The following CTNND2 variants were observed in gnomAD, a reference collection of about 807,000 sequenced individuals.
CTNND2 encodes catenin delta-2.
In CTNND2, 22 loss-of-function variants were observed where a neutral mutation model predicts 144.4. That is an observed-to-expected ratio of 0.15 (90% confidence interval 0.11 to 0.22). The LOEUF (loss-of-function observed/expected upper bound fraction) is 0.22, where lower values mean the gene tolerates loss of function less well. CTNND2 is among the 10% of genes least tolerant of loss of function. CTNND2 has a pLI of 1.00. For synonymous variants in CTNND2, 751 were observed against 695.6 expected (o/e 1.08, Z -1.25); for missense variants, 1,353 against 1,618.8 (o/e 0.84, Z 2.82).
At position 11,392,460 on chromosome 5, in the gene CTNND2, C is replaced by T. The variant is rs556529347; in HGVS notation, c.612+4571G>A. On this transcript the variant is annotated intron_variant, in intron 6 of 21. Transcript: ENST00000304623. ...CATGAGCACCCGCAAAAATATACTA[C>T]ACAGAACTTTATTTCAGCAAGAGGC... 3.3e-5 allele frequency among the ~76,000 whole-genome samples: 5 copies of T among 152,282 alleles called. No homozygotes were observed. The East Asian group carries it at 9.6e-4, about 29-fold the overall frequency.
intron 1 of CTNND2, among the ~76,000 whole-genome samples, chr5:11,742,571 T>C (rs1484621080): frequency 6.6e-6 from 1 of 152,176 alleles, no homozygotes; most frequent in African/African-American, 2.4e-5. Context: ...AGAATTACTT[T>C]TGGCTTTACT....
chr5:11,257,520 GAA>G (rs1744388285), intron 9 of CTNND2, among the ~76,000 whole-genome samples: 1 of 152,198 alleles, frequency 6.6e-6, no homozygotes, highest in Admixed American at 6.5e-5. Context: ...GCAGGAGAGA[GAA>G]TAAGTGCCAG....
At chr5:11,582,145 C>T (rs1187553259) in intron 2 of CTNND2, among the ~76,000 whole-genome samples, 1 of 152,168 alleles carries the variant, frequency 6.6e-6, no homozygotes, top group African/African-American at 2.4e-5. Context: ...TATACCCTAA[C>T]TTGGCACTGG....
At chr5:11,176,483 T>G (rs1366629616) in intron 11 of CTNND2, among the ~76,000 whole-genome samples, 1 of 152,198 alleles carries the variant, frequency 6.6e-6, no homozygotes, top group African/African-American at 2.4e-5. Context: ...AGTCTAAGGA[T>G]GCAAAGCTCT....
intron 11 of CTNND2, among the ~76,000 whole-genome samples, chr5:11,178,648 G>T (rs932179965): frequency 3.9e-5 from 6 of 152,140 alleles, no homozygotes; most frequent in African/African-American, 1.4e-4. Flanking sequence ...AATTTGAGAT[G>T]TAAGACATCA....
chr5:11,729,946 A>G (rs1321066169), intron 2 of CTNND2, among the ~76,000 whole-genome samples: 2 of 146,974 alleles, frequency 1.4e-5, no homozygotes, highest in African/African-American at 2.6e-5. Flanking sequence ...ATTAGAGTGG[A>G]CATTTCTAAA....
At chr5:11,649,995 T>C (rs1239511702) in intron 2 of CTNND2, among the ~76,000 whole-genome samples, 1 of 152,150 alleles carries the variant, frequency 6.6e-6, no homozygotes, top group African/African-American at 2.4e-5. Flanking sequence ...ACAAAACTAG[T>C]ATTTTTGTTA....
At chr5:11,251,642 A>G (rs1743668957) in intron 9 of CTNND2, among the ~76,000 whole-genome samples, 1 of 152,234 alleles carries the variant, frequency 6.6e-6, no homozygotes, top group Non-Finnish European at 1.5e-5. Context: ...GAGCAAACGA[A>G]TCGTCCTCAC....
intron 8 of CTNND2, among the ~76,000 whole-genome samples, chr5:11,350,465 G>T (rs1561261289): frequency 6.6e-6 from 1 of 152,046 alleles, no homozygotes; most frequent in Admixed American, 6.5e-5. Context: ...TGAAATCTAA[G>T]ATGAGAAACA....
Position 11,548,747 on chromosome 5 carries a change from G to A in CTNND2, c.287+16197C>T, listed in dbSNP as rs1367348077. Among the ~76,000 whole-genome samples, 8 of 151,964 alleles carry A rather than the reference G, an allele frequency of 5.3e-5. No individual in the cohort carries two copies. The South Asian group carries it at 6.2e-4, about 12-fold the overall frequency. On this transcript the variant is annotated intron_variant, in intron 3 of 21. Transcript: ENST00000304623. ...CAATCCTTTAACAGAAAAACCACTC[G>A]TTTCTTTACATTTTGTTTCTTAAAA...
chr5:11,298,105 G>T (rs577778523), intron 9 of CTNND2, among the ~76,000 whole-genome samples: 1 of 152,172 alleles, frequency 6.6e-6, no homozygotes, highest in South Asian at 2.1e-4. Flanking sequence ...AAAACTTTAC[G>T]CCCTATGAAA....
At chr5:11,308,508 T>C (rs938106835) in intron 9 of CTNND2, among the ~76,000 whole-genome samples, 7 of 152,228 alleles carry the variant, frequency 4.6e-5, no homozygotes, top group Non-Finnish European at 1.5e-5. Flanking sequence ...CAGCAGTCTG[T>C]AGCTTGCCAA....
At chr5:10,991,200 A>G (rs909052869) in intron 19 of CTNND2, among the ~76,000 whole-genome samples, 1 of 152,174 alleles carries the variant, frequency 6.6e-6, no homozygotes. Context: ...TTTCAGTCAG[A>G]TATTGGCCAT....
intron 2 of CTNND2, among the ~76,000 whole-genome samples, chr5:11,714,870 A>G (rs901116741): frequency 1.1e-4 from 16 of 151,488 alleles, no homozygotes; most frequent in Non-Finnish European, 1.6e-4. Context: ...CCGAGATCCC[A>G]CCACTGCACT....
chr5:11,662,556 A>G (rs1339268577), intron 2 of CTNND2, among the ~76,000 whole-genome samples: 1 of 151,980 alleles, frequency 6.6e-6, no homozygotes, highest in East Asian at 1.9e-4. Flanking sequence ...AATGGTGTCC[A>G]CCCAGATTAA....
chr5:11,346,591 T>A lies in CTNND2; in HGVS notation c.1409A>T (p.Gln470Leu). Residue 470 changes from glutamine (Q) to leucine (L), a missense_variant, in exon 9 of 22, where the codon CAG becomes CTG. By Grantham distance (113) the Gln-to-Leu change is moderately radical (BLOSUM62 -2). Around this residue, in one of 4 missense-constraint regions of CTNND2, gnomAD observed 708 missense variants for 706.4 expected, o/e 1.00. Coordinates refer to ENST00000304623, the MANE Select transcript of CTNND2 (RefSeq NM_001332.4). Reference protein sequence around the residue: ...SSPGVDSVPLQRTGSQHGPQN... With the variant: ...SSPGVDSVPLLRTGSQHGPQN... ...TGGGCCGTGCTGGCTGCCTGTGCGC[T>A]GCAAGGGGACGGAGTCGACACCAGG... The A allele has an allele frequency of 6.3e-7, 1 of 1,576,134 alleles. No homozygotes were observed. Among genetic ancestry groups the A allele is most frequent in the Non-Finnish European group, 8.6e-7 (1 of 1,160,388 alleles).
intron 2 of CTNND2, among the ~76,000 whole-genome samples, chr5:11,624,658 C>T (rs1170148730): frequency 6.6e-6 from 1 of 152,022 alleles, no homozygotes; most frequent in Non-Finnish European, 1.5e-5. Flanking sequence ...TCAAGAGTAT[C>T]TTCTCTTAAA....
intron 2 of CTNND2, among the ~76,000 whole-genome samples, chr5:11,591,028 T>G (rs1779210847): frequency 6.6e-6 from 1 of 152,228 alleles, no homozygotes. Flanking sequence ...TTTAAAACAA[T>G]TTTGCAAGAA....
At chr5:11,006,831 A>G (rs181276357) in intron 18 of CTNND2, among the ~76,000 whole-genome samples, 2 of 152,356 alleles carry the variant, frequency 1.3e-5, no homozygotes, top group African/African-American at 4.8e-5. Context: ...ATCGTAAGAT[A>G]GAAGCACGAA....
Sources: allele counts gnomAD v4.1 joint callset (sites outside exome capture counted in the v4.1 genomes callset), GRCh38; gene constraint gnomAD v4.1.1; regional missense constraint gnomAD v4.1.1; transcripts MANE v1.5; gene names NCBI Gene and HGNC (gene_info 2026-07-23, HGNC 2026-07-21).